The following RAD52 variants were observed in gnomAD, a reference collection of about 807,000 sequenced individuals.
RAD52 encodes DNA repair protein RAD52 homolog.
RAD52 carries 47 observed loss-of-function variants against 55.5 expected under a neutral mutation model. The ratio of observed to expected loss-of-function variants is 0.85; its 90% confidence interval spans 0.67 to 1.08. The LOEUF (loss-of-function observed/expected upper bound fraction) is 1.08. Ranked by LOEUF, RAD52 falls within the 50% of genes least tolerant of loss-of-function variation. The pLI is 0.00. For synonymous variants in RAD52, 184 were observed against 198.9 expected (o/e 0.92, Z 0.63); for missense variants, 468 against 522.8 (o/e 0.90, Z 1.02).
At chr12:948,316 A>G (rs1958369012) in intron 1 of RAD52, among the ~76,000 whole-genome samples, 1 of 152,176 alleles carries the variant, frequency 6.6e-6, no homozygotes, top group Admixed American at 6.6e-5. Flanking sequence ...GGTTTCTTTT[A>G]GGGATGATAA....
At chr12:949,766 A>ACACAGACCAGAG, upstream of RAD52, 1 of 152,154 alleles carries the variant, frequency 6.6e-6, no homozygotes. Flanking sequence ...GAAAAAAAAA[A>ACACAGACCAGAG]ACACAGACCA....
At chr12:972,267 T>C (rs1592488191) in intron 1 of RAD52, among the ~76,000 whole-genome samples, 2 of 152,058 alleles carry the variant, frequency 1.3e-5, no homozygotes, top group African/African-American at 4.8e-5. Context: ...GCAAGCATAG[T>C]ACACACACAC....
At chr12:938,365 T>G (rs4766394) in intron 1 of RAD52, among the ~76,000 whole-genome samples, 40,009 of 152,104 alleles carry the variant, frequency 0.26, 5,448 homozygotes, top group East Asian at 0.37. Flanking sequence ...CAAAATAGAA[T>G]GGCTGGTGAA....
upstream of RAD52, among the ~76,000 whole-genome samples, chr12:950,629 T>C (rs1592460967): frequency 6.6e-6 from 1 of 151,080 alleles, no homozygotes; most frequent in African/African-American, 2.4e-5. Context: ...CCCAGGCTGG[T>C]CTTGAACTCC....
At chr12:982,003 T>C (rs946246560) in intron 1 of RAD52, among the ~76,000 whole-genome samples, 7 of 152,150 alleles carry the variant, frequency 4.6e-5, no homozygotes, top group Admixed American at 4.6e-4. Flanking sequence ...CAGCTTGACT[T>C]TCTGGAACTG....
rs10652000 is a variant in RAD52 at position 944,771 on chromosome 12, T to TTTC, written c.-19+4830_-19+4831insGAA. ...TATCACCTAAAAGCATTTTTCTTTC[T>TTTC]TTTTTTTTTTTTTTGAGGAGTCTCA... On this transcript the variant is annotated intron_variant, in intron 1 of 11. Coordinates refer to ENST00000358495, the MANE Select transcript of RAD52 (RefSeq NM_134424.4). Among the ~76,000 whole-genome samples, 124 of 129,072 alleles carry TTTC rather than the reference T, an allele frequency of 9.6e-4. 5 individuals carry two copies. The highest frequency in any genetic ancestry group is 1.2e-3 in the Admixed American group (15 of 12,716). 84.7% of individuals were successfully genotyped at this position (129,072 alleles called of 152,430 possible). A position where few individuals can be genotyped will look rare whatever the true frequency, so the allele number is the denominator to read the frequency against.
intron 1 of RAD52, among the ~76,000 whole-genome samples, chr12:959,451 C>A (rs1278735430): frequency 1.3e-5 from 2 of 152,176 alleles, no homozygotes; most frequent in Admixed American, 1.3e-4. Context: ...AATAAAATAG[C>A]AGGTCACAGG....
intron 1 of RAD52, among the ~76,000 whole-genome samples, chr12:948,532 G>A (rs1022520624): frequency 1.3e-5 from 2 of 152,022 alleles, no homozygotes; most frequent in African/African-American, 4.8e-5. Context: ...GGTGGTATGC[G>A]CCTGTAATTC....
intron 1 of RAD52, among the ~76,000 whole-genome samples, chr12:955,165 G>A (rs571882471): frequency 1.3e-5 from 2 of 152,318 alleles, no homozygotes; most frequent in South Asian, 2.1e-4. Context: ...AATTCTTCAT[G>A]ACAGAAATGA....
At position 916,594 on chromosome 12, in the gene RAD52, C is replaced by A. The variant is rs1036848970; in HGVS notation, c.725+45G>T. ...GGCCTGAGTGGAGGCAGCCCCGTGACACAGGAGGGGCCGCAGAGGAAAGGA... is the reference window on the plus strand; with the variant it reads ...GGCCTGAGTGGAGGCAGCCCCGTGAAACAGGAGGGGCCGCAGAGGAAAGGA... On this transcript the variant is annotated intron_variant, in intron 8 of 11. Coordinates refer to ENST00000358495, the MANE Select transcript of RAD52 (RefSeq NM_134424.4). The A allele has an allele frequency of 5.0e-6, 8 of 1,598,582 alleles. No individual in the cohort carries two copies. In the Admixed American group the frequency reaches 1.4e-4, roughly 27 times the overall value.
At chr12:969,998 C>T (rs1958819498) in intron 1 of RAD52, among the ~76,000 whole-genome samples, 1 of 151,896 alleles carries the variant, frequency 6.6e-6, no homozygotes, top group Non-Finnish European at 1.5e-5. Flanking sequence ...CTTCATATAT[C>T]CCACTCCATT....
chr12:978,643 T>C (rs930960605), intron 1 of RAD52, among the ~76,000 whole-genome samples: 1 of 151,712 alleles, frequency 6.6e-6, no homozygotes, highest in African/African-American at 2.4e-5. Flanking sequence ...TCCACTAAAA[T>C]ACAAAAGAAA....
At chr12:914,639 A>G (rs1956261396) in intron 9 of RAD52, 107 bp from the exon 10 acceptor site, 1 of 1,345,144 alleles carries the variant, frequency 7.4e-7, no homozygotes, top group African/African-American at 1.5e-5. Context: ...TCTCCGAAGC[A>G]CAACACCGCT....
chr12:962,598 C>T (rs1454517486), intron 1 of RAD52, among the ~76,000 whole-genome samples: 2 of 151,996 alleles, frequency 1.3e-5, no homozygotes, highest in African/African-American at 2.4e-5. Context: ...CCACCCGCCT[C>T]GGCCTCCCAA....
intron 1 of RAD52, among the ~76,000 whole-genome samples, chr12:945,817 G>C (rs1034719155): frequency 1.3e-4 from 19 of 149,696 alleles, no homozygotes; most frequent in African/African-American, 4.4e-4. Context: ...GAGGTCAGGA[G>C]TTCGAGACCA....
intron 1 of RAD52, among the ~76,000 whole-genome samples, chr12:948,492 C>T (rs1958379618): frequency 6.6e-6 from 1 of 151,952 alleles, no homozygotes; most frequent in Non-Finnish European, 1.5e-5. Context: ...GCCTAACCAA[C>T]ATGGTGAAAA....
chr12:987,841 C>T (rs997413849), intron 1 of RAD52, among the ~76,000 whole-genome samples: 12 of 152,124 alleles, frequency 7.9e-5, no homozygotes, highest in Admixed American at 2.0e-4. Flanking sequence ...GGATTATAGG[C>T]GCAAGCCACT....
intron 9 of RAD52, among the ~76,000 whole-genome samples, chr12:915,710 TTTTTTTTTTG>T (rs1187116127): frequency 6.7e-5 from 8 of 119,774 alleles, no homozygotes; most frequent in Non-Finnish European, 9.4e-5. Flanking sequence ...ACAAGGCTTG[TTTTTTTTTTG>T]TTTTGTTTTT....
upstream of RAD52, among the ~76,000 whole-genome samples, chr12:952,752 C>T (rs1321783855): frequency 2.7e-5 from 4 of 148,780 alleles, no homozygotes; most frequent in Non-Finnish European, 5.9e-5. Flanking sequence ...ATTAGCTGGG[C>T]ATGGTGGTGG....
Sources: gnomAD v4.1 joint callset for allele counts (sites outside exome capture counted in the v4.1 genomes callset) on GRCh38, gnomAD v4.1.1 for gene constraint, MANE v1.5 for transcripts, NCBI Gene and HGNC (gene_info 2026-07-23, HGNC 2026-07-21) for gene names.